PTPRD: variants seen among roughly 807,000 people sequenced by gnomAD.
PTPRD encodes protein tyrosine phosphatase receptor type D.
PTPRD carries 34 observed loss-of-function variants against 214.5 expected under a neutral mutation model. That is an observed-to-expected ratio of 0.16 (90% CI 0.12 to 0.21). The LOEUF (loss-of-function observed/expected upper bound fraction) is 0.21, where lower values mean the gene tolerates loss of function less well. PTPRD is among the 10% of genes least tolerant of loss of function. PTPRD has a pLI of 1.00. For missense variants in PTPRD, 2,545 were observed against 2,398.7 expected, an observed-to-expected ratio of 1.06 and a Z score of -1.27; for synonymous variants, 1,128 against 845.7, an observed-to-expected ratio of 1.33 and a Z score of -5.79.
At chr9:9,497,545 T>G (rs1032125133) in intron 8 of PTPRD, among the ~76,000 whole-genome samples, 3 of 152,182 alleles carry the variant, frequency 2.0e-5, no homozygotes, top group African/African-American at 4.8e-5. Flanking sequence ...ATTTCACAAT[T>G]AAAATAAGGG....
At chr9:8,591,654 G>A (rs1017832816) in intron 14 of PTPRD, among the ~76,000 whole-genome samples, 2 of 152,148 alleles carry the variant, frequency 1.3e-5, no homozygotes, top group Admixed American at 1.3e-4. Context: ...AAATTCAGAA[G>A]GACACGTCTA....
chr9:8,599,630 T>C (rs1356664831), intron 14 of PTPRD, among the ~76,000 whole-genome samples: 152 of 129,006 alleles, frequency 1.2e-3, no homozygotes, highest in Admixed American at 1.9e-3. Context: ...TTTTTTTTTT[T>C]TTTTTTTTTT....
intron 7 of PTPRD, among the ~76,000 whole-genome samples, chr9:9,647,911 G>C (rs1321156493): frequency 6.6e-6 from 1 of 152,120 alleles, no homozygotes; most frequent in East Asian, 1.9e-4. Context: ...TAAGTCCCCA[G>C]ATCTCATACT....
chr9:10,540,296 G>A (rs1402234236), intron 2 of PTPRD, among the ~76,000 whole-genome samples: 3 of 152,176 alleles, frequency 2.0e-5, no homozygotes, highest in African/African-American at 4.8e-5. Flanking sequence ...CCAGAGTGCT[G>A]GGATTGCAGG....
chr9:8,550,934 T>C (rs1211791012), intron 14 of PTPRD, among the ~76,000 whole-genome samples: 1 of 152,248 alleles, frequency 6.6e-6, no homozygotes, highest in Non-Finnish European at 1.5e-5. Context: ...AGTGAGCTTA[T>C]GCTATAGCTC....
intron 2 of PTPRD, among the ~76,000 whole-genome samples, chr9:10,598,694 G>GTGTC (rs777523715): frequency 9.7e-6 from 1 of 102,644 alleles, no homozygotes; most frequent in Non-Finnish European, 2.0e-5. Flanking sequence ...GTGTGTGTGT[G>GTGTC]TGTGTGTGTG....
At chr9:8,954,682 T>C (rs763658850) in intron 11 of PTPRD, among the ~76,000 whole-genome samples, 8 of 151,880 alleles carry the variant, frequency 5.3e-5, no homozygotes, top group Non-Finnish European at 8.8e-5. Context: ...TTAGTTTGTA[T>C]GCAAAGAAGT....
chr9:10,184,415 G>T (rs1271346016), intron 3 of PTPRD, among the ~76,000 whole-genome samples: 5 of 151,808 alleles, frequency 3.3e-5, no homozygotes, highest in Non-Finnish European at 7.4e-5. Flanking sequence ...ACAGAGCGAG[G>T]CTCCATTAAA....
At chr9:10,097,392 T>C (rs989531023) in intron 3 of PTPRD, among the ~76,000 whole-genome samples, 1 of 146,130 alleles carries the variant, frequency 6.8e-6, no homozygotes, top group Non-Finnish European at 1.5e-5. Context: ...CTTCCATTTG[T>C]TTGTATCCTC....
intron 11 of PTPRD, among the ~76,000 whole-genome samples, chr9:8,821,188 C>G (rs1255539392): frequency 1.3e-5 from 2 of 152,116 alleles, no homozygotes; most frequent in Non-Finnish European, 2.9e-5. Context: ...AAAAAGGAAA[C>G]AATGGGAATA....
At chr9:9,177,851 C>G (rs2099925858) in intron 10 of PTPRD, among the ~76,000 whole-genome samples, 1 of 152,076 alleles carries the variant, frequency 6.6e-6, no homozygotes, top group South Asian at 2.1e-4. Flanking sequence ...ATTTTAAAAG[C>G]TAAAAGTATA....
chr9:8,814,611 G>C (rs1322231892), intron 11 of PTPRD, among the ~76,000 whole-genome samples: 1 of 152,180 alleles, frequency 6.6e-6, no homozygotes, highest in Non-Finnish European at 1.5e-5. Context: ...ATAGAAGACA[G>C]CCATCCAAGG....
At chr9:9,526,158 G>T (rs1336207139) in intron 8 of PTPRD, among the ~76,000 whole-genome samples, 1 of 152,138 alleles carries the variant, frequency 6.6e-6, no homozygotes. Context: ...CTACAGTTAT[G>T]TTGAGTGTGT....
intron 14 of PTPRD, among the ~76,000 whole-genome samples, chr9:8,585,351 G>A (rs1028382220): frequency 1.3e-5 from 2 of 152,160 alleles, no homozygotes; most frequent in Admixed American, 1.3e-4. Context: ...TCCTGGGTCA[G>A]TTTCCTGATG....
chr9:9,038,844 AC>A (rs1390850429), intron 10 of PTPRD, among the ~76,000 whole-genome samples: 14 of 152,030 alleles, frequency 9.2e-5, no homozygotes, highest in Non-Finnish European at 1.9e-4. Flanking sequence ...GGCGTGAGCC[AC>A]CCCGCCCAGC....
At chr9:10,359,862 A>G (rs1035261186) in intron 2 of PTPRD, among the ~76,000 whole-genome samples, 5 of 152,198 alleles carry the variant, frequency 3.3e-5, no homozygotes, top group African/African-American at 1.2e-4. Flanking sequence ...ATGTAATTAT[A>G]ACCCCCATAG....
At chr9:9,389,696 T>C (rs1371431928) in intron 9 of PTPRD, among the ~76,000 whole-genome samples, 1 of 152,180 alleles carries the variant, frequency 6.6e-6, no homozygotes, top group Non-Finnish European at 1.5e-5. Flanking sequence ...TAACAGACAG[T>C]CATTCTAGCA....
intron 11 of PTPRD, among the ~76,000 whole-genome samples, chr9:8,816,406 A>G (rs1008241736): frequency 6.6e-6 from 1 of 152,214 alleles, no homozygotes; most frequent in Non-Finnish European, 1.5e-5. Flanking sequence ...AGGATAATCT[A>G]TAAACACAAG....
At chr9:8,900,587 A>G (rs1178659591) in intron 11 of PTPRD, among the ~76,000 whole-genome samples, 1 of 152,142 alleles carries the variant, frequency 6.6e-6, no homozygotes, top group African/African-American at 2.4e-5. Flanking sequence ...TGCTCCACCA[A>G]TTTTCCTTTT....
Sources: allele counts gnomAD v4.1 joint callset (sites outside exome capture counted in the v4.1 genomes callset), GRCh38; gene constraint gnomAD v4.1.1; transcripts MANE v1.5; gene names NCBI Gene and HGNC (gene_info 2026-07-23, HGNC 2026-07-21).